PCDHA6: variants seen among roughly 807,000 people sequenced by gnomAD.
The protein encoded by PCDHA6 is protocadherin alpha 6, also known as protocadherin alpha-6.
PCDHA6 carries 55 observed loss-of-function variants against 60.3 expected under a neutral mutation model. The observed-to-expected ratio is 0.91, with a 90% CI of 0.73 to 1.14. The LOEUF is 1.14. Ranked by LOEUF, PCDHA6 falls within the 50% of genes most tolerant of loss-of-function variation. PCDHA6 has a pLI of 0.00. For synonymous variants in PCDHA6, 652 were observed against 557.9 expected (o/e 1.17, Z -2.38); for missense variants, 1,327 against 1,256.5 (o/e 1.06, Z -0.85).
chr5:140,974,577 T>C (rs2096632640), intron 1 of PCDHA6, among the ~76,000 whole-genome samples: 1 of 152,200 alleles, frequency 6.6e-6, no homozygotes, highest in South Asian at 2.1e-4. Flanking sequence ...AATGGCATGA[T>C]CTTGGCTCAC....
Position 140,857,247 on chromosome 5 carries a change from A to G in PCDHA6, c.2394+26762A>G. ...GTTCCGTTCAAGCTGGTGTCCACCT[A>G]CAAGAATTACTACTCATTGGTGCTG... is the stretch of plus-strand genomic sequence containing the variant. On this transcript the variant is annotated intron_variant, in intron 1 of 3. Coordinates refer to ENST00000529310, the MANE Select transcript of PCDHA6 (RefSeq NM_018909.4). 3 of 1,598,564 alleles carry G rather than the reference A, an allele frequency of 1.9e-6. 1 individual carries two copies. Among genetic ancestry groups the G allele is most frequent in the African/African-American group, 2.7e-5 (2 of 74,420 alleles).
chr5:140,829,570 G>A lies in PCDHA6; in HGVS notation c.1479G>A (p.Ser493=), dbSNP rs2150170338. ...AGGAGAACGCGCTGGTGTCCTACTC[G>A]CTGGTGGAGCGGCGGGTGGGCGAGC... is the stretch of plus-strand genomic sequence containing the variant. ...DAQENALVSY[S]LVERRVGERA... The change falls in exon 1 of 4, where the codon TCG becomes TCA. Residue 493 remains serine (S), a synonymous_variant. Coordinates refer to ENST00000529310, the MANE Select transcript of PCDHA6 (RefSeq NM_018909.4). 1.2e-6 allele frequency: 2 copies of A among 1,612,580 alleles called. No individual in the cohort carries two copies. Among genetic ancestry groups the A allele is most frequent in the East Asian group, 2.2e-5 (1 of 44,890 alleles).
chr5:140,876,466 G>C, intron 1 of PCDHA6: 1 of 1,614,018 alleles, frequency 6.2e-7, no homozygotes, highest in Non-Finnish European at 8.5e-7. Flanking sequence ...TTCCATGGCA[G>C]GTCACAGCAT....
In PCDHA6 at chr5:140,927,151, T is replaced by C. The variant is rs781865588; in HGVS notation, c.2395-51798T>C. ...AGAGCCGGCGGACCGCGAACAGCTGTGCAGGGCCAAAGCTGCCTGCGTCTT... is the reference window on the plus strand; with the variant it reads ...AGAGCCGGCGGACCGCGAACAGCTGCGCAGGGCCAAAGCTGCCTGCGTCTT... On this transcript the variant is annotated intron_variant, in intron 1 of 3. Coordinates refer to ENST00000529310, the MANE Select transcript of PCDHA6 (RefSeq NM_018909.4). 15 of 1,614,128 alleles carry C rather than the reference T, an allele frequency of 9.3e-6. No homozygotes were observed. In the East Asian group the frequency reaches 3.3e-4, roughly 36 times the overall value.
intron 1 of PCDHA6, among the ~76,000 whole-genome samples, chr5:140,933,965 T>A (rs1400091615): frequency 2.6e-5 from 4 of 152,064 alleles, no homozygotes; most frequent in Non-Finnish European, 5.9e-5. Flanking sequence ...GTAGTGATGT[T>A]TCCCTTTTCA....
intron 1 of PCDHA6, chr5:140,882,984 C>T (rs2059393576): frequency 2.5e-6 from 4 of 1,614,178 alleles, no homozygotes; most frequent in Non-Finnish European, 2.5e-6. Flanking sequence ...AATGACAACG[C>T]CCCGGAATTT....
At chr5:140,860,642 GAAGAT>G (rs144102428) in intron 1 of PCDHA6, 5 of 152,352 alleles carry the variant, frequency 3.3e-5, no homozygotes, top group African/African-American at 1.2e-4. Context: ...CAGGAACGAA[GAAGAT>G]AAGTGAAATA....
intron 1 of PCDHA6, chr5:140,851,460 T>A (rs1270613439): frequency 1.0e-5 from 9 of 901,620 alleles, no homozygotes; most frequent in Non-Finnish European, 1.2e-5. Flanking sequence ...GGAATCAAAT[T>A]ATGTCAATAA....
Position 140,843,115 on chromosome 5 carries a change from C to G in PCDHA6, c.2394+12630C>G, listed in dbSNP as rs2150353014. Reference sequence around the variant, plus strand: ...TGGTAGCGAAGGTGCGCGCAGTGGACGCCGACTCGGGCTACAACGCGTGGC... The same window carrying G: ...TGGTAGCGAAGGTGCGCGCAGTGGAGGCCGACTCGGGCTACAACGCGTGGC... On this transcript the variant is annotated intron_variant, in intron 1 of 3. Coordinates refer to ENST00000529310, the MANE Select transcript of PCDHA6 (RefSeq NM_018909.4). 1.3e-5 allele frequency: 21 copies of G among 1,595,824 alleles called. 4 individuals carry two copies. In the South Asian group the frequency reaches 1.5e-4, roughly 12 times the overall value.
rs141054640 is a variant in PCDHA6 at position 140,849,634 on chromosome 5, A to G, written c.2394+19149A>G. The G allele has an allele frequency of 6.8e-4, 1,094 of 1,598,766 alleles. 107 individuals are homozygous for G. Among genetic ancestry groups the G allele is most frequent in the South Asian group, 1.2e-3 (106 of 90,564 alleles). On this transcript the variant is annotated intron_variant, in intron 1 of 3. Coordinates refer to ENST00000529310, the MANE Select transcript of PCDHA6 (RefSeq NM_018909.4). Reference sequence around the variant, plus strand: ...ATTAGTGTGATCGACCTAGACGCAGATGCCAACGGGCAGGTTACCTGCTCC... The same window carrying G: ...ATTAGTGTGATCGACCTAGACGCAGGTGCCAACGGGCAGGTTACCTGCTCC...
chr5:140,884,651 T>G (rs2153405863), intron 1 of PCDHA6: 2 of 1,604,404 alleles, frequency 1.2e-6, no homozygotes, highest in Non-Finnish European at 1.7e-6. Flanking sequence ...GGACTCAGAA[T>G]GCTTGAAAGA....
At chr5:140,890,767 T>A (rs1342716029) in intron 1 of PCDHA6, among the ~76,000 whole-genome samples, 3 of 152,210 alleles carry the variant, frequency 2.0e-5, no homozygotes, top group African/African-American at 7.2e-5. Context: ...AAAAATATTT[T>A]AAAACCCCAT....
intron 1 of PCDHA6, chr5:140,861,479 T>C: frequency 2.0e-6 from 1 of 490,568 alleles, no homozygotes; most frequent in Non-Finnish European, 4.2e-6. Context: ...AGAATGGCAT[T>C]TTTGTGAGTT....
In PCDHA6 at chr5:140,857,691, T is replaced by A. The variant is rs189067845; in HGVS notation, c.2394+27206T>A. ...GGCGTGCCGCCTCTGGGCAGCAACTTGACGCTGCAGGTGTTCGTGCTGGAC... is the reference window on the plus strand; with the variant it reads ...GGCGTGCCGCCTCTGGGCAGCAACTAGACGCTGCAGGTGTTCGTGCTGGAC... On this transcript the variant is annotated intron_variant, in intron 1 of 3. Coordinates refer to ENST00000529310, the MANE Select transcript of PCDHA6 (RefSeq NM_018909.4). 1.9e-6 allele frequency: 3 copies of A among 1,597,120 alleles called. 1 individual carries two copies. The highest frequency in any genetic ancestry group is 2.6e-6 in the Non-Finnish European group (3 of 1,167,726).
At chr5:140,846,406 G>A (rs1191758509) in intron 1 of PCDHA6, among the ~76,000 whole-genome samples, 1 of 111,134 alleles carries the variant, frequency 9.0e-6, no homozygotes, top group Non-Finnish European at 1.7e-5. Flanking sequence ...ACGGAGTCTC[G>A]CTCTATCTCC....
At chr5:140,841,846 T>C (rs2150323998) in intron 1 of PCDHA6, 5 of 1,613,898 alleles carry the variant, frequency 3.1e-6, no homozygotes, top group Non-Finnish European at 4.2e-6. Context: ...TTAGCTCTCA[T>C]GATTACTTCA....
At chr5:140,852,188 C>A in intron 1 of PCDHA6, 1 of 732,160 alleles carries the variant, frequency 1.4e-6, no homozygotes, top group Non-Finnish European at 1.7e-6. Flanking sequence ...TATGAAAATG[C>A]CAGTAACGTT....
At position 140,828,215 on chromosome 5, in the gene PCDHA6, G is replaced by C. The variant is rs2150152436; in HGVS notation, c.124G>C (p.Gly42Arg). The change falls in exon 1 of 4, where the codon GGC becomes CGC. Residue 42 changes from glycine (G) to arginine (R), a missense_variant. By Grantham distance (125) the Gly-to-Arg change is moderately radical (BLOSUM62 -2). Coordinates refer to ENST00000529310, the MANE Select transcript of PCDHA6 (RefSeq NM_018909.4). The part of the protein sequence containing the change: ...HYSVPEEAKH[G>R]TFVGRIAQDL... Reference sequence around the variant, plus strand: ...CTCCGTACCCGAGGAGGCCAAACACGGCACCTTCGTGGGCCGGATCGCGCA... The same window carrying C: ...CTCCGTACCCGAGGAGGCCAAACACCGCACCTTCGTGGGCCGGATCGCGCA... The C allele has an allele frequency of 6.2e-6, 10 of 1,613,898 alleles. No individual in the cohort carries two copies. In the African/African-American group the frequency reaches 1.1e-4, roughly 17 times the overall value.
At chr5:140,883,853 G>C in intron 1 of PCDHA6, 2 of 1,613,002 alleles carry the variant, frequency 1.2e-6, no homozygotes, top group Middle Eastern at 1.9e-4. Flanking sequence ...CGAGGAGCTG[G>C]AGCTGTTGCA....
Sources: allele counts gnomAD v4.1 joint callset (sites outside exome capture counted in the v4.1 genomes callset), GRCh38; gene constraint gnomAD v4.1.1; transcripts MANE v1.5; gene names NCBI Gene and HGNC (gene_info 2026-07-23, HGNC 2026-07-21).